DNAH5: variants seen among roughly 807,000 people sequenced by gnomAD.
DNAH5 encodes dynein axonemal heavy chain 5.
DNAH5 carries 372 observed loss-of-function variants against 518.2 expected under a neutral mutation model. That is an observed-to-expected ratio of 0.72 (90% CI 0.66 to 0.78). The LOEUF is 0.78. DNAH5 is among the 30% of genes least tolerant of loss of function. DNAH5 has a pLI of 0.00. For missense variants in DNAH5, 5,523 were observed against 5,687.0 expected, an observed-to-expected ratio of 0.97 and a Z score of 0.93; for synonymous variants, 2,039 against 2,025.9, an observed-to-expected ratio of 1.01 and a Z score of -0.17.
rs146957460 is a variant in DNAH5 at position 13,992,313 on chromosome 5, G to A, written c.12+19335C>T. 1.1e-4 allele frequency among the ~76,000 whole-genome samples: 16 copies of A among 152,022 alleles called. No individual in the cohort carries two copies. In the East Asian group the frequency reaches 1.2e-3, roughly 11 times the overall value. On this transcript the variant is annotated intron_variant, in intron 1 of 78. Coordinates refer to the DNAH5 transcript ENST00000681290. ...AAACCCCAACAAAAAAACCACCATC[G>A]CCCCAGATCACTCACAAAATCCCAC...
intron 1 of DNAH5, among the ~76,000 whole-genome samples, chr5:13,991,547 G>A (rs1783545835): frequency 1.4e-5 from 2 of 148,062 alleles, no homozygotes; most frequent in African/African-American, 2.5e-5. Context: ...GGGAGGGGGA[G>A]GAGGAAGAGG....
At chr5:13,910,421 T>C (rs888856472) in intron 12 of DNAH5, among the ~76,000 whole-genome samples, 5 of 152,220 alleles carry the variant, frequency 3.3e-5, no homozygotes, top group Non-Finnish European at 5.9e-5. Context: ...GAGCTAGCTT[T>C]GTTATGACTC....
intron 1 of DNAH5, among the ~76,000 whole-genome samples, chr5:13,993,626 G>A (rs143679589): frequency 1.4e-3 from 211 of 152,312 alleles, no homozygotes; most frequent in Admixed American, 2.3e-3. Flanking sequence ...GAGCTTAAGG[G>A]CATAAATAAC....
chr5:14,000,721 G>C (rs187077958), intron 1 of DNAH5, among the ~76,000 whole-genome samples: 3 of 152,236 alleles, frequency 2.0e-5, no homozygotes, highest in Admixed American at 2.0e-4. Context: ...AGCCACTGTG[G>C]AAAGTAGCCT....
At chr5:13,725,115 C>T (rs1369908123) in intron 70 of DNAH5, among the ~76,000 whole-genome samples, 1 of 152,136 alleles carries the variant, frequency 6.6e-6, no homozygotes, top group Admixed American at 6.6e-5. Flanking sequence ...ATGAAGCTTG[C>T]CCCCCACCTC....
intron 59 of DNAH5, 65 bp downstream of exon 59, chr5:13,765,911 G>A (rs370265269): frequency 9.5e-6 from 14 of 1,474,618 alleles, no homozygotes; most frequent in Admixed American, 5.0e-5. Flanking sequence ...CTTATTCTAC[G>A]AAAAGGACTC....
At chr5:13,761,961 G>A (rs1245108023) in intron 60 of DNAH5, among the ~76,000 whole-genome samples, 2 of 152,150 alleles carry the variant, frequency 1.3e-5, no homozygotes, top group Non-Finnish European at 2.9e-5. Context: ...AGTTTCTTGG[G>A]TAGTTAACAA....
intron 76 of DNAH5, among the ~76,000 whole-genome samples, chr5:13,704,940 T>G (rs1269137144): frequency 1.3e-5 from 2 of 152,016 alleles, no homozygotes; most frequent in Non-Finnish European, 2.9e-5. Flanking sequence ...AGGAGAAGTA[T>G]GTTCAAAAGA....
At chr5:13,828,204 T>A (rs1763158782) in intron 38 of DNAH5, among the ~76,000 whole-genome samples, 1 of 152,214 alleles carries the variant, frequency 6.6e-6, no homozygotes. Flanking sequence ...GTCTGAACAC[T>A]CATAGGAAAA....
chr5:13,810,210 G>C lies in DNAH5; in HGVS notation c.7458C>G (p.Phe2486Leu). 1 of 1,550,434 alleles carries C rather than the reference G, an allele frequency of 6.4e-7. No individual in the cohort carries two copies. Among genetic ancestry groups the C allele is most frequent in the Non-Finnish European group, 8.7e-7 (1 of 1,146,860 alleles). ...CCGCCCCCGCGCTCCACAGCAGCGC[G>C]AACACGAACAGCCGCCCCAGGTGAG... Reference protein sequence around the residue: ...SQAHLGRLFVFALLWSAGAAL... With the variant: ...SQAHLGRLFVLALLWSAGAAL... The change falls in exon 45 of 79, where the codon TTC (phenylalanine) becomes TTG (leucine). Residue 2486 changes from phenylalanine to leucine, a missense_variant. Physicochemically the swap from Phe to Leu is conservative, Grantham distance 22. Coordinates refer to ENST00000265104, the MANE Select transcript of DNAH5 (RefSeq NM_001369.3).
intron 38 of DNAH5, among the ~76,000 whole-genome samples, chr5:13,829,126 C>T (rs531941755): frequency 6.6e-6 from 1 of 152,132 alleles, no homozygotes; most frequent in Admixed American, 6.6e-5. Context: ...AGTTAGTAAA[C>T]CTTGGTCAAA....
Position 13,766,114 on chromosome 5 carries a change from C to A in DNAH5, c.9963G>T (p.Arg3321=), listed in dbSNP as rs762184401. The change falls in exon 59 of 79, where the codon CGG becomes CGT. Residue 3321 remains arginine, a synonymous_variant. Transcript: ENST00000265104. ...ACAGCAGCAGTACGCAATCCATGAT[C>A]CGCATGATGAGGTGAGGGGGGCGGC... The part of the protein sequence containing the change: ...TLGRPPHLIM[R]IMDCVLLLFQ... 3 of 1,614,068 alleles carry A rather than the reference C, an allele frequency of 1.9e-6. No homozygotes were observed. The East Asian group carries it at 6.7e-5, about 36-fold the overall frequency.
chr5:13,835,618 C>T (rs1169671979), intron 35 of DNAH5, among the ~76,000 whole-genome samples: 1 of 152,050 alleles, frequency 6.6e-6, no homozygotes, highest in Non-Finnish European at 1.5e-5. Context: ...CCAGTTTTTT[C>T]GAGGGCTACA....
intron 9 of DNAH5, 123 bp downstream of exon 9, chr5:13,916,225 C>T: frequency 2.0e-6 from 1 of 503,240 alleles, no homozygotes; most frequent in Admixed American, 2.9e-5. Context: ...ATAGCCTAAG[C>T]CTTTTTAAAA....
At chr5:13,942,207 T>G (rs929327776) in intron 1 of DNAH5, among the ~76,000 whole-genome samples, 23 of 150,930 alleles carry the variant, frequency 1.5e-4, no homozygotes, top group South Asian at 8.3e-4. Flanking sequence ...TGACTTTGTT[T>G]ATGGTACATT....
At chr5:13,740,341 C>G (rs1372190392) in intron 65 of DNAH5, among the ~76,000 whole-genome samples, 1 of 152,048 alleles carries the variant, frequency 6.6e-6, no homozygotes, top group Non-Finnish European at 1.5e-5. Flanking sequence ...CTAAAACATA[C>G]TTCCTCTCTC....
chr5:13,991,633 ATGAGGAAGGAGTC>A (rs927129701), intron 1 of DNAH5, among the ~76,000 whole-genome samples: 2 of 151,718 alleles, frequency 1.3e-5, no homozygotes, highest in African/African-American at 4.8e-5. Context: ...GTATACAAGG[ATGAGGAAGGAGTC>A]AGGAGGAAAG....
At chr5:13,957,809 T>C (rs1203910121) in intron 1 of DNAH5, among the ~76,000 whole-genome samples, 1 of 151,572 alleles carries the variant, frequency 6.6e-6, no homozygotes, top group Non-Finnish European at 1.5e-5. Context: ...CCAATACCTG[T>C]ATTTTTAAAT....
chr5:13,725,943 C>T (rs752494162), intron 70 of DNAH5, among the ~76,000 whole-genome samples: 8 of 152,180 alleles, frequency 5.3e-5, no homozygotes, highest in East Asian at 3.9e-4. Flanking sequence ...TGAGCCACCG[C>T]GCCTGACCTG....
Sources: allele counts gnomAD v4.1 joint callset (sites outside exome capture counted in the v4.1 genomes callset), GRCh38; gene constraint gnomAD v4.1.1; transcripts MANE v1.5; gene names NCBI Gene and HGNC (gene_info 2026-07-23, HGNC 2026-07-21).